KHDRBS3: variants seen among roughly 807,000 people sequenced by gnomAD.
KHDRBS3 encodes the protein KH RNA binding domain containing, signal transduction associated 3.
KHDRBS3 carries 23 observed loss-of-function variants against 45.6 expected under a neutral mutation model. That is an observed-to-expected ratio of 0.50 (90% CI 0.36 to 0.72). The LOEUF (loss-of-function observed/expected upper bound fraction) is 0.72. KHDRBS3 is among the 30% of genes least tolerant of loss of function. The probability of loss-of-function intolerance (pLI) is 0.00; values close to 1 mark genes in which losing one functional copy is unlikely to be tolerated. For missense variants in KHDRBS3, 352 were observed against 424.8 expected, an observed-to-expected ratio of 0.83 and a Z score of 1.51; for synonymous variants, 162 against 156.5, an observed-to-expected ratio of 1.04 and a Z score of -0.26.
At chr8:135,559,035 T>C (rs1827035049) in intron 5 of KHDRBS3, among the ~76,000 whole-genome samples, 2 of 152,204 alleles carry the variant, frequency 1.3e-5, no homozygotes, top group African/African-American at 2.4e-5. Flanking sequence ...GCCTCCCTTT[T>C]ACAAGGAGAC....
At chr8:135,551,074 A>G (rs977513078) in intron 4 of KHDRBS3, among the ~76,000 whole-genome samples, 1 of 152,102 alleles carries the variant, frequency 6.6e-6, no homozygotes, top group African/African-American at 2.4e-5. Flanking sequence ...TTGATTTTGT[A>G]TCTTGTGATC....
At chr8:135,537,506 T>A (rs1321529324) in intron 2 of KHDRBS3, among the ~76,000 whole-genome samples, 1 of 152,206 alleles carries the variant, frequency 6.6e-6, no homozygotes, top group East Asian at 1.9e-4. Context: ...AGCTTATACA[T>A]CATGCAGTGA....
intron 6 of KHDRBS3, among the ~76,000 whole-genome samples, chr8:135,587,067 C>G (rs890445242): frequency 2.6e-5 from 4 of 152,048 alleles, no homozygotes; most frequent in African/African-American, 7.2e-5. Context: ...TATATTATGC[C>G]CATTTTAGAA....
At chr8:135,550,586 G>A (rs1278369865) in intron 4 of KHDRBS3, among the ~76,000 whole-genome samples, 1 of 152,020 alleles carries the variant, frequency 6.6e-6, no homozygotes, top group Non-Finnish European at 1.5e-5. Flanking sequence ...TGATTTGTAT[G>A]CCTACTCTTA....
chr8:135,591,210 C>A (rs1446250469), intron 6 of KHDRBS3, among the ~76,000 whole-genome samples: 1 of 152,294 alleles, frequency 6.6e-6, no homozygotes, highest in Non-Finnish European at 1.5e-5. Flanking sequence ...AGCCCATGCT[C>A]CAGCACCCTG....
chr8:135,483,688 GT>G (rs1165327379), intron 1 of KHDRBS3, among the ~76,000 whole-genome samples: 1 of 152,144 alleles, frequency 6.6e-6, no homozygotes, highest in African/African-American at 2.4e-5. Flanking sequence ...GCCTGGTTCT[GT>G]CCCCTGCATG....
chr8:135,558,259 T>C (rs2317280), intron 5 of KHDRBS3, among the ~76,000 whole-genome samples: 116,939 of 152,054 alleles, frequency 0.77, 45,210 homozygotes, highest in East Asian at 0.96. Flanking sequence ...CTTGGATTGG[T>C]GATTAATGTT....
At chr8:135,567,578 G>A (rs1827490681) in intron 5 of KHDRBS3, among the ~76,000 whole-genome samples, 1 of 152,204 alleles carries the variant, frequency 6.6e-6, no homozygotes, top group Non-Finnish European at 1.5e-5. Context: ...GAGAGGGAAT[G>A]TGCCTTTTGC....
chr8:135,468,486 T>C (rs1178093617), intron 1 of KHDRBS3, among the ~76,000 whole-genome samples: 1 of 152,222 alleles, frequency 6.6e-6, no homozygotes, highest in East Asian at 1.9e-4. Flanking sequence ...ACAGCAAACT[T>C]TTTCTGTAAA....
chr8:135,524,312 A>G (rs1825067420), intron 2 of KHDRBS3, among the ~76,000 whole-genome samples: 1 of 152,114 alleles, frequency 6.6e-6, no homozygotes, highest in African/African-American at 2.4e-5. Context: ...TGACCTGTAC[A>G]TTTTTTAAAA....
At chr8:135,534,924 G>A (rs1825658727) in intron 2 of KHDRBS3, among the ~76,000 whole-genome samples, 1 of 152,172 alleles carries the variant, frequency 6.6e-6, no homozygotes, top group African/African-American at 2.4e-5. Flanking sequence ...ATACTCAGGT[G>A]AAGAAGAGTC....
intron 1 of KHDRBS3, among the ~76,000 whole-genome samples, chr8:135,474,941 G>A (rs1822197614): frequency 6.6e-6 from 1 of 152,214 alleles, no homozygotes; most frequent in Non-Finnish European, 1.5e-5. Context: ...CAGCTCTGGA[G>A]GCTGCTTACA....
intron 7 of KHDRBS3, among the ~76,000 whole-genome samples, chr8:135,623,569 T>C (rs1329210517): frequency 9.6e-5 from 14 of 145,632 alleles, no homozygotes; most frequent in Non-Finnish European, 1.7e-4. Flanking sequence ...AGTTCCTTAC[T>C]TTTTTTTTTT....
At chr8:135,460,471 G>T (rs563596626) in intron 1 of KHDRBS3, among the ~76,000 whole-genome samples, 1 of 152,236 alleles carries the variant, frequency 6.6e-6, no homozygotes, top group Non-Finnish European at 1.5e-5. Flanking sequence ...TAAGCTTTTG[G>T]GCAACTGAGA....
intron 7 of KHDRBS3, chr8:135,625,554 G>C (rs1365979775): frequency 1.1e-6 from 1 of 919,746 alleles, no homozygotes; most frequent in Admixed American, 1.7e-5. Flanking sequence ...TTCAGAGCTG[G>C]AGCAACGAGA....
At chr8:135,458,323 G>A in intron 1 of KHDRBS3, 1 of 491,648 alleles carries the variant, frequency 2.0e-6, no homozygotes, top group Non-Finnish European at 2.8e-6. Flanking sequence ...ACTCGGGGAA[G>A]TAGGGCGTTT....
chr8:135,569,004 T>C (rs1187436114), intron 5 of KHDRBS3, among the ~76,000 whole-genome samples: 2 of 152,236 alleles, frequency 1.3e-5, no homozygotes, highest in Non-Finnish European at 2.9e-5. Context: ...TGTGTTTTTA[T>C]TCGTTTGTTT....
intron 1 of KHDRBS3, among the ~76,000 whole-genome samples, chr8:135,465,559 T>C (rs1821652956): frequency 6.6e-6 from 1 of 152,170 alleles, no homozygotes; most frequent in Non-Finnish European, 1.5e-5. Context: ...TAGCAGCAGC[T>C]CTGATTGATT....
chr8:135,622,627 C>T (rs576877884), intron 7 of KHDRBS3, among the ~76,000 whole-genome samples: 14 of 152,132 alleles, frequency 9.2e-5, no homozygotes, highest in African/African-American at 1.7e-4. Flanking sequence ...TATCAGAAAT[C>T]TCCTCAAAAA....
Sources: allele counts gnomAD v4.1 joint callset (sites outside exome capture counted in the v4.1 genomes callset), GRCh38; gene constraint gnomAD v4.1.1; transcripts MANE v1.5; gene names NCBI Gene and HGNC (gene_info 2026-07-23, HGNC 2026-07-21).